Variants in VSTM1 observed in about 807,000 individuals in gnomAD.
VSTM1 encodes the protein V-set and transmembrane domain containing 1.
A neutral mutation model predicts 33.1 loss-of-function variants in VSTM1; 27 were observed. That is an observed-to-expected ratio of 0.82 (90% CI 0.60 to 1.12). The LOEUF (loss-of-function observed/expected upper bound fraction) is 1.12. Among genes scored for constraint, VSTM1 ranks in the 50% most tolerant of loss-of-function variants. The pLI is 0.00. For missense variants in VSTM1, 304 were observed against 288.9 expected, an observed-to-expected ratio of 1.05 and a Z score of -0.38; for synonymous variants, 115 against 110.3, an observed-to-expected ratio of 1.04 and a Z score of -0.27.
chr19:54,044,997 G>A (rs1324976930), intron 4 of VSTM1, among the ~76,000 whole-genome samples: 3 of 152,244 alleles, frequency 2.0e-5, no homozygotes, highest in East Asian at 1.9e-4. Context: ...CAAGACCCCC[G>A]CTATCTTTGT....
chr19:54,041,261 A>C (rs1225160453), intron 8 of VSTM1, among the ~76,000 whole-genome samples, 181 bp from the exon 9 acceptor site: 1 of 152,016 alleles, frequency 6.6e-6, no homozygotes, highest in East Asian at 1.9e-4. Flanking sequence ...CTGTGACATC[A>C]ATGGATCTGC....
intron 1 of VSTM1, among the ~76,000 whole-genome samples, chr19:54,059,059 C>CTTTT (rs68002308): frequency 2.9e-5 from 3 of 104,220 alleles, no homozygotes; most frequent in Non-Finnish European, 5.6e-5. Flanking sequence ...CTTCTTCTTT[C>CTTTT]TTTTTTTTTT....
intron 3 of VSTM1, among the ~76,000 whole-genome samples, chr19:54,056,193 TTC>T (rs1568472986): frequency 1.8e-5 from 2 of 112,960 alleles, no homozygotes; most frequent in African/African-American, 3.1e-5. Flanking sequence ...TTTCTTTTCT[TTC>T]TTTCTTTTCT....
chr19:54,042,405 G>T, intron 4 of VSTM1, 36 bp from the exon 5 acceptor site: 1 of 1,603,402 alleles, frequency 6.2e-7, no homozygotes, highest in Non-Finnish European at 8.5e-7. Context: ...AATCAGCCTG[G>T]CTCCTGAAAT....
chr19:54,047,464 T>G (rs2070652870), intron 4 of VSTM1, among the ~76,000 whole-genome samples: 1 of 152,058 alleles, frequency 6.6e-6, no homozygotes, highest in Non-Finnish European at 1.5e-5. Flanking sequence ...CGCTAATTTT[T>G]TATATTTCTA....
At chr19:54,061,174 T>C (rs1381813650) in intron 1 of VSTM1, among the ~76,000 whole-genome samples, 2 of 151,962 alleles carry the variant, frequency 1.3e-5, no homozygotes, top group African/African-American at 4.8e-5. Context: ...CTTGCCACCA[T>C]GCCCAGCTAA....
chr19:54,058,006 G>C (rs8112468), intron 3 of VSTM1, among the ~76,000 whole-genome samples: 100,624 of 151,620 alleles, frequency 0.66, 34,356 homozygotes, highest in Non-Finnish European at 0.75. Flanking sequence ...TTTGGGAGGC[G>C]GAGGCAGGTG....
intron 1 of VSTM1, among the ~76,000 whole-genome samples, chr19:54,063,085 C>G (rs1196948101): frequency 3.3e-5 from 5 of 152,186 alleles, no homozygotes; most frequent in Admixed American, 1.3e-4. Flanking sequence ...CGCCTGTAAT[C>G]CCAGCACTTT....
chr19:54,042,192 T>A lies in VSTM1; in HGVS notation c.492A>T (p.Ser164=). 1 of 1,613,754 alleles carries A rather than the reference T, an allele frequency of 6.2e-7. No individual in the cohort carries two copies. The highest frequency in any genetic ancestry group is 8.5e-7 in the Non-Finnish European group (1 of 1,179,936). Residue 164 remains serine, a synonymous_variant, in exon 6 of 9, where the codon TCA becomes TCT. Transcript: ENST00000338372. ...ACCTCTTGGTGGATTCCTCAGATGATGAACCTACAAAAAATGCAGGAGGAA... is the reference window on the plus strand; with the variant it reads ...ACCTCTTGGTGGATTCCTCAGATGAAGAACCTACAAAAAATGCAGGAGGAA... ...FIIYRCSQHS[S]SSEESTKRTS... is the part of the protein sequence containing the mutation.
At chr19:54,056,470 C>G (rs2071105901) in intron 3 of VSTM1, among the ~76,000 whole-genome samples, 1 of 139,234 alleles carries the variant, frequency 7.2e-6, no homozygotes, top group Non-Finnish European at 1.6e-5. Context: ...ATCCACCCTC[C>G]TAGGCCTCCC....
intron 4 of VSTM1, chr19:54,048,283 T>C: frequency 3.3e-6 from 1 of 300,634 alleles, no homozygotes; most frequent in Non-Finnish European, 6.8e-6. Flanking sequence ...GCCTGGCTAA[T>C]TTTTGTATTT....
intron 4 of VSTM1, among the ~76,000 whole-genome samples, chr19:54,045,847 A>G (rs1037305026): frequency 7.2e-5 from 11 of 151,940 alleles, no homozygotes; most frequent in Admixed American, 4.6e-4. Flanking sequence ...TATCTATCTA[A>G]TCTATCATCT....
At chr19:54,051,509 A>G in intron 3 of VSTM1, 61 bp from the exon 4 acceptor site, 2 of 1,359,830 alleles carry the variant, frequency 1.5e-6, no homozygotes, top group South Asian at 2.7e-5. Flanking sequence ...TGGGGACAGG[A>G]GTCCTCACGT....
chr19:54,058,205 A>C (rs528681784), intron 3 of VSTM1, 101 bp downstream of exon 3: 3 of 1,291,348 alleles, frequency 2.3e-6, no homozygotes, highest in Non-Finnish European at 3.2e-6. Context: ...GTGCCACTGC[A>C]CTCCAGCCTG....
intron 1 of VSTM1, among the ~76,000 whole-genome samples, chr19:54,059,914 C>T (rs2071308659): frequency 6.6e-6 from 1 of 150,558 alleles, no homozygotes; most frequent in South Asian, 2.1e-4. Flanking sequence ...GTGGCGCGAT[C>T]TCGGCTCACC....
At chr19:54,041,882 C>T (rs2146025870) in intron 7 of VSTM1, 34 bp downstream of exon 7, 1 of 1,614,062 alleles carries the variant, frequency 6.2e-7, no homozygotes, top group Non-Finnish European at 8.5e-7. Flanking sequence ...GTCTTTCTAT[C>T]CGGTGATTCC....
Position 54,040,880 on chromosome 19 carries a change from C to T in VSTM1, c.*81G>A. 6.6e-7 allele frequency: 1 copy of T among 1,526,002 alleles called. No homozygotes were observed. Among genetic ancestry groups the T allele is most frequent in the South Asian group, 1.2e-5 (1 of 81,078 alleles). 94.5% of individuals were successfully genotyped at this position (1,526,002 alleles called of 1,614,324 possible). ...TTGATATGGACGAAGAGCAAGGAAACACAGTATCTGCATCTCCAGATTTCC... is the reference window on the plus strand; with the variant it reads ...TTGATATGGACGAAGAGCAAGGAAATACAGTATCTGCATCTCCAGATTTCC... On this transcript the variant is annotated 3_prime_UTR_variant, in exon 9 of 9. Coordinates refer to ENST00000338372, the MANE Select transcript of VSTM1 (RefSeq NM_198481.4).
At position 54,041,904 on chromosome 19, in the gene VSTM1, C is replaced by G; in HGVS notation, c.553+12G>C. 6.2e-7 allele frequency: 1 copy of G among 1,614,132 alleles called. No individual in the cohort carries two copies. The highest frequency in any genetic ancestry group is 8.5e-7 in the Non-Finnish European group (1 of 1,180,036). On this transcript the variant is annotated intron_variant, in intron 7 of 8. Transcript: ENST00000338372. ...TATCCGGTGATTCCCTTAAACTTCC[C>G]CTGTCCCTTACCGGCAGCCTCCTGC...
chr19:54,046,769 GC>G (rs1192801757), intron 4 of VSTM1, among the ~76,000 whole-genome samples: 5 of 152,162 alleles, frequency 3.3e-5, no homozygotes, highest in African/African-American at 1.2e-4. Context: ...CAGCTCCCTA[GC>G]CTCTGGTCTT....
Sources: allele counts gnomAD v4.1 joint callset (sites outside exome capture counted in the v4.1 genomes callset), GRCh38; gene constraint gnomAD v4.1.1; transcripts MANE v1.5; gene names NCBI Gene and HGNC (gene_info 2026-07-23, HGNC 2026-07-21).